The following SESTD1 variants were observed in gnomAD, a reference collection of about 807,000 sequenced individuals.
SESTD1 encodes the protein SEC14 and spectrin domain containing 1.
SESTD1 carries 43 observed loss-of-function variants against 101.7 expected under a neutral mutation model. The ratio of observed to expected loss-of-function variants is 0.42; its 90% CI spans 0.33 to 0.55. The LOEUF (loss-of-function observed/expected upper bound fraction) is 0.55, where lower values mean the gene tolerates loss of function less well. Ranked by LOEUF, SESTD1 falls within the 20% of genes least tolerant of loss-of-function variation. SESTD1 has a pLI of 0.07. For missense variants in SESTD1, 647 were observed against 815.1 expected, an observed-to-expected ratio of 0.79 and a Z score of 2.51; for synonymous variants, 283 against 286.8, an observed-to-expected ratio of 0.99 and a Z score of 0.13.
At chr2:179,198,659 A>T (rs1045649631) in intron 1 of SESTD1, among the ~76,000 whole-genome samples, 1 of 151,860 alleles carries the variant, frequency 6.6e-6, no homozygotes, top group African/African-American at 2.4e-5. Context: ...TCTCACTCAA[A>T]ACCGCTCAAC....
At chr2:179,238,844 A>G (rs1198145328) in intron 1 of SESTD1, among the ~76,000 whole-genome samples, 1 of 150,670 alleles carries the variant, frequency 6.6e-6, no homozygotes, top group African/African-American at 2.4e-5. Flanking sequence ...TTATTAACTG[A>G]CCTCTTTTCT....
intron 1 of SESTD1, among the ~76,000 whole-genome samples, chr2:179,231,850 T>A (rs1019708417): frequency 9.9e-5 from 15 of 151,308 alleles, no homozygotes; most frequent in Admixed American, 3.3e-4. Context: ...AAGCCTTAAA[T>A]ATGACACAGA....
At chr2:179,134,219 T>C (rs1020819971) in intron 9 of SESTD1, among the ~76,000 whole-genome samples, 5 of 152,210 alleles carry the variant, frequency 3.3e-5, no homozygotes, top group African/African-American at 1.2e-4. Flanking sequence ...GGTTTTCATA[T>C]GCTACTCCAG....
chr2:179,220,278 G>C (rs1206101056), intron 1 of SESTD1, among the ~76,000 whole-genome samples: 1 of 152,026 alleles, frequency 6.6e-6, no homozygotes, highest in Admixed American at 6.6e-5. Flanking sequence ...CAGATTTAAA[G>C]TTCCTTAACT....
At chr2:179,165,380 C>A (rs2045817713) in intron 5 of SESTD1, among the ~76,000 whole-genome samples, 1 of 152,116 alleles carries the variant, frequency 6.6e-6, no homozygotes, top group Non-Finnish European at 1.5e-5. Flanking sequence ...AACATAAGAC[C>A]CAACTACCAG....
rs2044330611 is a variant in SESTD1 at position 179,104,144 on chromosome 2, G to A, written c.*5755C>T. On this transcript the variant is annotated 3_prime_UTR_variant, in exon 18 of 18. Coordinates refer to ENST00000428443, the MANE Select transcript of SESTD1 (RefSeq NM_178123.5). Reference sequence around the variant, plus strand: ...TTCATTACTGATTTTATGACAGTAAGATCATCAAATTCTTCTAAGTGTCCA... The same window carrying A: ...TTCATTACTGATTTTATGACAGTAAAATCATCAAATTCTTCTAAGTGTCCA... 6.6e-6 allele frequency: 1 copy of A among 152,082 alleles called. No individual in the cohort carries two copies. Among genetic ancestry groups the A allele is most frequent in the South Asian group, 2.1e-4 (1 of 4,824 alleles). The allele number at this position is 152,082 out of a possible 1,614,324, so 9.4% of individuals were successfully genotyped here. A position where few individuals can be genotyped will look rare whatever the true frequency, so the allele number is the denominator to read the frequency against.
chr2:179,125,878 A>G (rs2044862321), intron 10 of SESTD1, among the ~76,000 whole-genome samples: 1 of 152,130 alleles, frequency 6.6e-6, no homozygotes, highest in African/African-American at 2.4e-5. Flanking sequence ...GTTCTTCTAC[A>G]GCCCTATGCT....
At chr2:179,248,590 C>T (rs1487811425) in intron 1 of SESTD1, among the ~76,000 whole-genome samples, 1 of 151,084 alleles carries the variant, frequency 6.6e-6, no homozygotes, top group Non-Finnish European at 1.5e-5. Flanking sequence ...ATCATGTCAA[C>T]AAGCTAAAGG....
intron 1 of SESTD1, among the ~76,000 whole-genome samples, chr2:179,204,235 G>T (rs566108529): frequency 7.4e-6 from 1 of 134,698 alleles, no homozygotes; most frequent in South Asian, 2.8e-4. Context: ...CCACAATCAT[G>T]CCCTACTCCA....
Position 179,206,101 on chromosome 2 carries a change from C to T in SESTD1, c.-25-14235G>A, listed in dbSNP as rs2046587410. On this transcript the variant is annotated intron_variant, in intron 1 of 17. Transcript: ENST00000428443. Reference sequence around the variant, plus strand: ...AATACAACCAACACCACCACCACCTCCACAATAAAATGTTAAATAACATGA... The same window carrying T: ...AATACAACCAACACCACCACCACCTTCACAATAAAATGTTAAATAACATGA... 2.2e-5 allele frequency among the ~76,000 whole-genome samples: 3 copies of T among 134,878 alleles called. 1 individual carries two copies. Among genetic ancestry groups the T allele is most frequent in the South Asian group, 2.8e-4 (1 of 3,536 alleles). 88.5% of individuals were successfully genotyped at this position (134,878 alleles called of 152,430 possible).
At chr2:179,146,903 G>A (rs1008876437) in intron 7 of SESTD1, among the ~76,000 whole-genome samples, 3 of 112,006 alleles carry the variant, frequency 2.7e-5, no homozygotes, top group Non-Finnish European at 5.0e-5. Context: ...TATATTCCAG[G>A]GGTGTGTGTG....
At chr2:179,197,492 C>G (rs1174342401) in intron 1 of SESTD1, among the ~76,000 whole-genome samples, 3 of 152,062 alleles carry the variant, frequency 2.0e-5, no homozygotes, top group Non-Finnish European at 4.4e-5. Context: ...AGAGCAACCC[C>G]AAGACACGTA....
At chr2:179,124,852 G>A (rs770289738) in intron 10 of SESTD1, among the ~76,000 whole-genome samples, 3 of 152,092 alleles carry the variant, frequency 2.0e-5, no homozygotes, top group Non-Finnish European at 4.4e-5. Context: ...AAGCCTGAAG[G>A]TGGGTTTGGG....
At chr2:179,242,819 T>G (rs2047174361) in intron 1 of SESTD1, among the ~76,000 whole-genome samples, 1 of 152,174 alleles carries the variant, frequency 6.6e-6, no homozygotes, top group Admixed American at 6.5e-5. Flanking sequence ...ATTAAAGACT[T>G]AAATGTAAGA....
intron 1 of SESTD1, among the ~76,000 whole-genome samples, chr2:179,235,746 C>G (rs2047056845): frequency 6.6e-6 from 1 of 152,152 alleles, no homozygotes; most frequent in South Asian, 2.1e-4. Context: ...CCGAATGGTA[C>G]TCCACAGCCA....
rs1228630203 is a variant in SESTD1 at position 179,211,082 on chromosome 2, A to C, written c.-25-19216T>G. 7.5e-5 allele frequency among the ~76,000 whole-genome samples: 10 copies of C among 133,490 alleles called. 3 individuals carry two copies. 87.6% of individuals were successfully genotyped at this position (133,490 alleles called of 152,430 possible). A position where few individuals can be genotyped will look rare whatever the true frequency, so the allele number is the denominator to read the frequency against. On this transcript the variant is annotated intron_variant, in intron 1 of 17. Coordinates refer to ENST00000428443, the MANE Select transcript of SESTD1 (RefSeq NM_178123.5). ...GACCCTTTTAACAACAGCTGCAAAA[A>C]AAAAAAAGGAATATACCTAACCAAG...
intron 2 of SESTD1, among the ~76,000 whole-genome samples, chr2:179,187,338 G>A (rs1353219281): frequency 6.6e-6 from 1 of 152,124 alleles, no homozygotes; most frequent in Non-Finnish European, 1.5e-5. Flanking sequence ...CCAAAAAAAA[G>A]ATTTGGCCAA....
chr2:179,108,713 A>G lies in SESTD1; in HGVS notation c.*1186T>C, dbSNP rs1253956864. 2 of 152,114 alleles carry G rather than the reference A, an allele frequency of 1.3e-5. No homozygotes were observed. Among genetic ancestry groups the G allele is most frequent in the African/African-American group, 2.4e-5 (1 of 41,434 alleles). The allele number at this position is 152,114 out of a possible 1,614,324, so 9.4% of individuals were successfully genotyped here. On this transcript the variant is annotated 3_prime_UTR_variant, in exon 18 of 18. Coordinates refer to ENST00000428443, the MANE Select transcript of SESTD1 (RefSeq NM_178123.5). ...ACAAGACTAAAAAATAATTTTTAAT[A>G]TTTTAAAAAATGTTCTGAAATAAAA...
intron 1 of SESTD1, among the ~76,000 whole-genome samples, chr2:179,257,919 T>C (rs1044508827): frequency 2.0e-5 from 3 of 152,138 alleles, no homozygotes; most frequent in Non-Finnish European, 4.4e-5. Flanking sequence ...AGGAGACACA[T>C]AACCACCAGT....
Sources: allele counts gnomAD v4.1 joint callset (sites outside exome capture counted in the v4.1 genomes callset), GRCh38; gene constraint gnomAD v4.1.1; transcripts MANE v1.5; gene names NCBI Gene and HGNC (gene_info 2026-07-23, HGNC 2026-07-21).